CDK4: variants seen among roughly 807,000 people sequenced by gnomAD.
CDK4 encodes cyclin dependent kinase 4.
In CDK4, 13 loss-of-function variants were observed where a neutral mutation model predicts 36.7. The observed-to-expected ratio is 0.35, with a 90% CI of 0.23 to 0.56. The LOEUF (loss-of-function observed/expected upper bound fraction) is 0.56, where lower values mean the gene tolerates loss of function less well. CDK4 is among the 20% of genes least tolerant of loss of function. The pLI, the probability that CDK4 is intolerant of heterozygous loss-of-function variation, is 0.85. For synonymous variants in CDK4, 158 were observed against 146.4 expected, an observed-to-expected ratio of 1.08 and a Z score of -0.57; for missense variants, 285 against 387.3, an observed-to-expected ratio of 0.74 and a Z score of 2.22.
chr12:57,749,730 G>A (rs974704847), intron 5 of CDK4: 53 of 585,806 alleles, frequency 9.0e-5, no homozygotes, highest in East Asian at 7.0e-4. Context: ...CAGGTGCAGC[G>A]GCTCACGCCT....
Position 57,751,290 on chromosome 12 carries a change from G to C in CDK4, c.271C>G (p.Leu91Val), listed in dbSNP as rs949558438. The stretch of plus-strand genomic sequence containing the variant: ...TCCTGGTCTACATGCTCAAACACCA[G>C]GGTTACCTTGATCTCCCGGTCAGTT... ...SRTDREIKVT[L>V]VFEHVDQDLR... The change falls in exon 3 of 8, where the codon CTG becomes GTG. Residue 91 changes from leucine (L) to valine (V), a missense_variant. By Grantham distance (32) the Leu-to-Val change is conservative (BLOSUM62 1). Transcript: ENST00000257904. The surrounding 1 kb of genome is among the most constrained non-coding windows in gnomAD (Gnocchi z 4.5). 1 of 1,614,132 alleles carries C rather than the reference G, an allele frequency of 6.2e-7. No homozygotes were observed. Among genetic ancestry groups the C allele is most frequent in the Non-Finnish European group, 8.5e-7 (1 of 1,180,032 alleles).
chr12:57,748,425 G>T lies in CDK4; in HGVS notation c.*100C>A. 1.2e-6 allele frequency: 1 copy of T among 856,574 alleles called. No homozygotes were observed. Among genetic ancestry groups the T allele is most frequent in the Non-Finnish European group, 2.0e-6 (1 of 494,770 alleles). 53.1% of individuals were successfully genotyped at this position (856,574 alleles called of 1,614,324 possible). A position where few individuals can be genotyped will look rare whatever the true frequency, so the allele number is the denominator to read the frequency against. ...GTAATCTCTGTAGAAAGATGGAGGA[G>T]GACCCTCCATAGCCTCAGAGATAAA... On this transcript the variant is annotated 3_prime_UTR_variant, in exon 8 of 8. Transcript: ENST00000257904.
intron 5 of CDK4, chr12:57,750,279 C>T (rs375726467): frequency 2.1e-5 from 6 of 286,346 alleles, no homozygotes; most frequent in East Asian, 1.6e-4. Context: ...GTTAGTAGTA[C>T]GCAAGTAAAA....
intron 5 of CDK4, 133 bp downstream of exon 5, chr12:57,750,523 T>C (rs1955223433): frequency 5.4e-6 from 4 of 746,780 alleles, no homozygotes; most frequent in Non-Finnish European, 7.4e-6. Context: ...GCTGTGATCA[T>C]GCCATTGCAA....
intron 7 of CDK4, 149 bp downstream of exon 7, chr12:57,749,033 C>CT: frequency 9.9e-7 from 1 of 1,014,966 alleles, no homozygotes; most frequent in Non-Finnish European, 1.5e-6. Flanking sequence ...ATATCCTTCT[C>CT]TGTGGGTGGC....
At chr12:57,749,548 A>G in intron 5 of CDK4, 44 bp from the exon 6 acceptor site, 1 of 1,580,322 alleles carries the variant, frequency 6.3e-7, no homozygotes, top group Non-Finnish European at 8.7e-7. Flanking sequence ...TTTCAAAGAT[A>G]TCTTAGTTGA....
At chr12:57,749,977 C>A in intron 5 of CDK4, 1 of 162,082 alleles carries the variant, frequency 6.2e-6, no homozygotes, top group Non-Finnish European at 1.3e-5. Context: ...AGCCTGGCGA[C>A]AGAGCAAGAC....
intron 7 of CDK4, 97 bp downstream of exon 7, chr12:57,749,085 A>C: frequency 6.8e-7 from 1 of 1,477,622 alleles, no homozygotes; most frequent in African/African-American, 1.4e-5. Flanking sequence ...TCTACCAACC[A>C]AGTTTCATTA....
chr12:57,748,701 C>CT (rs749693650), intron 7 of CDK4, 84 bp from the exon 8 acceptor site: 6 of 826,878 alleles, frequency 7.3e-6, no homozygotes, highest in Non-Finnish European at 4.0e-6. Context: ...GAGCTTTCTT[C>CT]TTTTTTCTTT....
rs1311074831 is a variant in CDK4 at position 57,751,670 on chromosome 12, G to C, written c.48C>G (p.Ala16=). Residue 16 remains alanine, a synonymous_variant, in exon 2 of 8, where the codon GCC becomes GCG. Transcript: ENST00000257904. This position sits in a 1 kb window ranked among gnomAD's most constrained non-coding sequence, Gnocchi z 4.5. The stretch of plus-strand genomic sequence containing the variant: ...CACGGGCCTTGTACACTGTCCCATA[G>C]GCACCGACACCAATTTCAGCCACTG... ...YEPVAEIGVG[A]YGTVYKARDP... is the part of the protein sequence containing the mutation. 1.2e-5 allele frequency: 19 copies of C among 1,614,076 alleles called. No homozygotes were observed. The highest frequency in any genetic ancestry group is 1.6e-5 in the Non-Finnish European group (19 of 1,180,010).
At position 57,748,440 on chromosome 12, in the gene CDK4, T is replaced by A. The variant is rs1955185032; in HGVS notation, c.*85A>T. The A allele has an allele frequency of 2.0e-6, 2 of 989,098 alleles. No individual in the cohort carries two copies. The highest frequency in any genetic ancestry group is 3.3e-6 in the Non-Finnish European group (2 of 613,718). The allele number at this position is 989,098 out of a possible 1,614,324, so 61.3% of individuals were successfully genotyped here. On this transcript the variant is annotated 3_prime_UTR_variant, in exon 8 of 8. Coordinates refer to ENST00000257904, the MANE Select transcript of CDK4 (RefSeq NM_000075.4). ...AGATGGAGGAGGACCCTCCATAGCC[T>A]CAGAGATAAAGGCAAAGATTGCCCT...
chr12:57,751,730 GGA>G lies in CDK4; in HGVS notation c.-15_-14del, dbSNP rs1955240410. ...GAGAGGTAGCCATTCTCAGATCAAG[GGA>G]GACCCTACAATCACAGACTCCTATC... On this transcript the variant is annotated 5_prime_UTR_variant, in exon 2 of 8. Coordinates refer to ENST00000257904, the MANE Select transcript of CDK4 (RefSeq NM_000075.4). This position sits in a 1 kb window ranked among gnomAD's most constrained non-coding sequence, Gnocchi z 4.5. The G allele has an allele frequency of 6.2e-7, 1 of 1,613,100 alleles. No individual in the cohort carries two copies. Among genetic ancestry groups the G allele is most frequent in the African/African-American group, 1.3e-5 (1 of 74,978 alleles).
At position 57,749,476 on chromosome 12, in the gene CDK4, C is replaced by T. The variant is rs587778187; in HGVS notation, c.661G>A (p.Asp221Asn). Residue 221 changes from aspartate to asparagine, a missense_variant, in exon 6 of 8, where the codon GAC becomes AAC. By Grantham distance (23) the Asp-to-Asn change is conservative. Coordinates refer to ENST00000257904, the MANE Select transcript of CDK4 (RefSeq NM_000075.4). Reference sequence around the variant, plus strand: ...TACTCAAAGATTTTGCCCAACTGGTCGGCTTCAGAGTTTCCACAGAAGAGA... The same window carrying T: ...TACTCAAAGATTTTGCCCAACTGGTTGGCTTCAGAGTTTCCACAGAAGAGA... ...KPLFCGNSEA[D>N]QLGKIFDLIG... 7.7e-5 allele frequency: 124 copies of T among 1,614,042 alleles called. No homozygotes were observed. The highest frequency in any genetic ancestry group is 1.0e-4 in the Non-Finnish European group (120 of 1,180,038).
At chr12:57,750,625 C>T (rs759506539) in intron 5 of CDK4, 31 bp downstream of exon 5, 1 of 1,449,986 alleles carries the variant, frequency 6.9e-7, no homozygotes, top group East Asian at 2.3e-5. Flanking sequence ...TTGGGGAATT[C>T]AAGGTAGTCC....
intron 1 of CDK4, 116 bp downstream of exon 1, chr12:57,752,059 G>C: frequency 1.0e-5 from 4 of 389,058 alleles, no homozygotes; most frequent in Non-Finnish European, 1.9e-5. Flanking sequence ...TGACCACAAA[G>C]GCCCCACTTC....
In CDK4 at chr12:57,748,192, A is replaced by G. The variant is rs199606572; in HGVS notation, c.*333T>C. ...CCAAGTGGTTTTTCCAAATCGCACAATGGCAAAGCCAAACAGAGGAAGAAA... is the reference window on the plus strand; with the variant it reads ...CCAAGTGGTTTTTCCAAATCGCACAGTGGCAAAGCCAAACAGAGGAAGAAA... On this transcript the variant is annotated 3_prime_UTR_variant, in exon 8 of 8. Transcript: ENST00000257904. The G allele has an allele frequency of 7.5e-5, 27 of 360,422 alleles. No individual in the cohort carries two copies. In the East Asian group the frequency reaches 1.1e-3, roughly 15 times the overall value. 22.3% of individuals were successfully genotyped at this position (360,422 alleles called of 1,614,324 possible).
rs1340574386 is a variant in CDK4 at position 57,751,041 on chromosome 12, C to G, written c.404G>C (p.Cys135Ser). 6.2e-7 allele frequency: 1 copy of G among 1,614,144 alleles called. No homozygotes were observed. Among genetic ancestry groups the G allele is most frequent in the Non-Finnish European group, 8.5e-7 (1 of 1,180,032 alleles). Reference protein sequence around the residue: ...LRGLDFLHANCIVHRDLKPEN... With the variant: ...LRGLDFLHANSIVHRDLKPEN... ...TGGCTTCAGATCTCGGTGAACGATG[C>G]AATTGGCATGAAGGAAATCTAGGCC... Residue 135 changes from cysteine to serine, a missense_variant, in exon 4 of 8, where the codon TGC becomes TCC. By Grantham distance (112) the Cys-to-Ser change is moderately radical. Coordinates refer to ENST00000257904, the MANE Select transcript of CDK4 (RefSeq NM_000075.4). The surrounding 1 kb of genome is among the most constrained non-coding windows in gnomAD (Gnocchi z 4.5).
In CDK4 at chr12:57,751,449, G is replaced by A. The variant is rs1221503107; in HGVS notation, c.218+51C>T. On this transcript the variant is annotated intron_variant, in intron 2 of 7. Transcript: ENST00000257904. The surrounding 1 kb of genome is among the most constrained non-coding windows in gnomAD (Gnocchi z 4.5). Reference sequence around the variant, plus strand: ...TACAGATCATCACACCCCACCTATAGGCTGTCTTTTCCCTTTACTCCCCAC... The same window carrying A: ...TACAGATCATCACACCCCACCTATAAGCTGTCTTTTCCCTTTACTCCCCAC... The A allele has an allele frequency of 4.4e-6, 7 of 1,608,402 alleles. No individual in the cohort carries two copies. The highest frequency in any genetic ancestry group is 6.0e-6 in the Non-Finnish European group (7 of 1,175,376).
At position 57,748,294 on chromosome 12, in the gene CDK4, A is replaced by G. The variant is rs1304056687; in HGVS notation, c.*231T>C. On this transcript the variant is annotated 3_prime_UTR_variant, in exon 8 of 8. Transcript: ENST00000257904. ...AAAAAAGGACCCCAAATATAAAGGT[A>G]GGGAAAGGGACAAGAGGGAACATAC... 3.3e-5 allele frequency: 16 copies of G among 483,722 alleles called. No individual in the cohort carries two copies. The highest frequency in any genetic ancestry group is 6.0e-5 in the Non-Finnish European group (16 of 265,144). The allele number at this position is 483,722 out of a possible 1,614,324, so 30.0% of individuals were successfully genotyped here.
Sources: gnomAD v4.1 joint callset for allele counts on GRCh38, gnomAD v4.1.1 for gene constraint, Gnocchi (gnomAD v3.1) non-coding constraint, MANE v1.5 for transcripts, NCBI Gene and HGNC (gene_info 2026-07-23, HGNC 2026-07-21) for gene names.